The following NDP variants were observed in gnomAD, a reference collection of about 807,000 sequenced individuals.
The protein encoded by NDP is norrin cystine knot growth factor NDP, also known as norrin.
Under a neutral mutation model 8.4 loss-of-function variants are expected in NDP, and 2 were observed. The observed-to-expected ratio is 0.24, with a 90% CI of 0.10 to 0.75. NDP has a LOEUF of 0.75. NDP is among the 30% of genes least tolerant of loss of function. NDP has a pLI of 0.73. For missense variants in NDP, 81 were observed against 110.1 expected (o/e 0.74, Z 1.18); for synonymous variants, 55 against 45.6 (o/e 1.21, Z -0.83).
At chrX:43,953,608 G>A (rs2035775077) in intron 2 of NDP, among the ~76,000 whole-genome samples, 1 of 112,673 alleles carries the variant, frequency 8.9e-6, no homozygotes, top group Admixed American at 9.4e-5. Flanking sequence ...CACTTGCAAT[G>A]TGAGTTATTT....
At chrX:43,961,078 TAA>T (rs947088981) in intron 1 of NDP, among the ~76,000 whole-genome samples, 2 of 112,610 alleles carry the variant, frequency 1.8e-5, no homozygotes, top group Non-Finnish European at 3.8e-5. Flanking sequence ...TTTAAGAGAA[TAA>T]AAGTCTCATT....
intron 2 of NDP, among the ~76,000 whole-genome samples, chrX:43,951,200 C>A (rs1439389624): frequency 9.1e-6 from 1 of 110,010 alleles, no homozygotes; most frequent in Non-Finnish European, 1.9e-5. Context: ...ATCACTTGAC[C>A]CCAGGAGTTT....
chrX:43,970,313 A>G (rs749162215), intron 1 of NDP, among the ~76,000 whole-genome samples: 1 of 111,826 alleles, frequency 8.9e-6, no homozygotes, highest in South Asian at 3.8e-4. Flanking sequence ...CTGCTGGCCT[A>G]GTGCAGAGGG....
At chrX:43,965,920 G>T (rs763805140) in intron 1 of NDP, among the ~76,000 whole-genome samples, 1 of 111,445 alleles carries the variant, frequency 9.0e-6, no homozygotes, top group African/African-American at 3.3e-5. Flanking sequence ...TTGACCACTT[G>T]GTATGGCACT....
chrX:43,969,716 G>A (rs1380794740), intron 1 of NDP: 1 of 112,311 alleles, frequency 8.9e-6, no homozygotes, highest in African/African-American at 3.2e-5. Context: ...ATACTATGGA[G>A]ATGGGGAGAT....
intron 1 of NDP, among the ~76,000 whole-genome samples, chrX:43,969,935 G>A (rs1423058503): frequency 2.7e-5 from 3 of 111,896 alleles, no homozygotes; most frequent in Non-Finnish European, 5.6e-5. Flanking sequence ...GGACTTGCAG[G>A]AAACAAGTAC....
At chrX:43,955,326 T>G (rs1324479285) in intron 2 of NDP, among the ~76,000 whole-genome samples, 1 of 111,996 alleles carries the variant, frequency 8.9e-6, no homozygotes, top group African/African-American at 3.2e-5. Flanking sequence ...GCTGGATGCT[T>G]TACAAATCAC....
intron 1 of NDP, among the ~76,000 whole-genome samples, chrX:43,960,615 A>G (rs765389627): frequency 8.9e-6 from 1 of 112,293 alleles, no homozygotes; most frequent in Non-Finnish European, 1.9e-5. Flanking sequence ...CCAAGACAAC[A>G]ACTCAAAGAG....
At position 43,949,357 on chromosome X, in the gene NDP, G is replaced by A. The variant is rs999796727; in HGVS notation, c.*442C>T. ...AGCAATGGCAACCTTAGACCAAAAT[G>A]ACAAGGTAAAAAAAAACATCAACAA... On this transcript the variant is annotated 3_prime_UTR_variant, in exon 3 of 3. Coordinates refer to ENST00000642620, the MANE Select transcript of NDP (RefSeq NM_000266.4). The A allele has an allele frequency of 1.9e-5, 3 of 160,784 alleles. No individual in the cohort carries two copies. The Admixed American group carries it at 2.2e-4, about 12-fold the overall frequency. The allele number at this position is 160,784 out of a possible 1,213,427, so 13.3% of individuals were successfully genotyped here. A position where few individuals can be genotyped will look rare whatever the true frequency, so the allele number is the denominator to read the frequency against.
At chrX:43,966,828 C>A (rs773186199) in intron 1 of NDP, among the ~76,000 whole-genome samples, 1 of 111,446 alleles carries the variant, frequency 9.0e-6, no homozygotes, top group Non-Finnish European at 1.9e-5. Context: ...AACCTCCTCA[C>A]CCGCAACAAC....
rs1048545964 is a variant in NDP, at chrX:43,949,863, C to G, written c.338G>C (p.Gly113Ala). ...LKALRLRCSG[G>A]MRLTATYRYI... is the part of the protein sequence containing the mutation. ...CCGGTAGGTGGCAGTGAGTCGCATG[C>G]CCCCTGAGCATCGCAGCCGCAGTGC... Residue 113 changes from glycine (G) to alanine (A), a missense_variant, in exon 3 of 3, where the codon GGC becomes GCC. Coordinates refer to ENST00000642620, the MANE Select transcript of NDP (RefSeq NM_000266.4). 2 of 1,193,184 alleles carry G rather than the reference C, an allele frequency of 1.7e-6. No homozygotes were observed. The highest frequency in any genetic ancestry group is 2.3e-6 in the Non-Finnish European group (2 of 886,282).
intron 2 of NDP, among the ~76,000 whole-genome samples, chrX:43,951,108 A>G (rs1319280535): frequency 2.7e-5 from 3 of 110,233 alleles, no homozygotes; most frequent in Non-Finnish European, 5.7e-5. Context: ...TTTCATGTTA[A>G]GTGATGGAGA....
chrX:43,960,879 G>A (rs1161031811), intron 1 of NDP: 1 of 112,360 alleles, frequency 8.9e-6, no homozygotes, highest in African/African-American at 3.2e-5. Context: ...CTTCTCTTCA[G>A]AGCCATGGCC....
intron 1 of NDP, among the ~76,000 whole-genome samples, chrX:43,968,948 A>C (rs1271450209): frequency 8.9e-6 from 1 of 111,801 alleles, no homozygotes; most frequent in Non-Finnish European, 1.9e-5. Context: ...GAAAAAGACG[A>C]CCAAAGCCCC....
chrX:43,962,619 G>C (rs962430248), intron 1 of NDP, among the ~76,000 whole-genome samples: 1 of 111,721 alleles, frequency 9.0e-6, no homozygotes, highest in African/African-American at 3.3e-5. Flanking sequence ...TGCTGCCTAC[G>C]AAGACTTAGA....
At chrX:43,962,229 A>G (rs947954323) in intron 1 of NDP, among the ~76,000 whole-genome samples, 3 of 111,237 alleles carry the variant, frequency 2.7e-5, no homozygotes, top group African/African-American at 9.8e-5. Flanking sequence ...AACCCTCAAA[A>G]CAAAAACAAA....
At chrX:43,956,583 C>T (rs2035794158) in intron 2 of NDP, among the ~76,000 whole-genome samples, 1 of 111,559 alleles carries the variant, frequency 9.0e-6, no homozygotes, top group Admixed American at 9.5e-5. Context: ...CTCCTGGATA[C>T]ATAGAGAAAA....
chrX:43,971,681 C>T (rs1043619937), intron 1 of NDP, among the ~76,000 whole-genome samples: 2 of 111,421 alleles, frequency 1.8e-5, no homozygotes, highest in African/African-American at 3.3e-5. Context: ...CTTTGCTAAC[C>T]GCAGTTTTTT....
rs773371738 is a variant in NDP at position 43,955,947 on chromosome X, A to G, written c.174+2525T>C. On this transcript the variant is annotated intron_variant, in intron 2 of 2. Coordinates refer to ENST00000642620, the MANE Select transcript of NDP (RefSeq NM_000266.4). ...CCAGCAGATCAGAAGCAGAGCCTGA[A>G]CTTCTATGTGATGGCTCCTACATTC... Among the ~76,000 whole-genome samples, 19 of 112,397 alleles carry G rather than the reference A, an allele frequency of 1.7e-4. No homozygotes were observed. In the South Asian group the frequency reaches 2.6e-3, roughly 15 times the overall value.
Sources: gnomAD v4.1 joint callset for allele counts (sites outside exome capture counted in the v4.1 genomes callset) on GRCh38, gnomAD v4.1.1 for gene constraint, MANE v1.5 for transcripts, NCBI Gene and HGNC (gene_info 2026-07-23, HGNC 2026-07-21) for gene names.